Variants in THOC2 observed in about 807,000 individuals in gnomAD.
THOC2 encodes THO complex 2.
Under a neutral mutation model 128.4 loss-of-function variants are expected in THOC2, and 10 were observed. The observed-to-expected ratio is 0.08, with a 90% confidence interval of 0.05 to 0.13. The LOEUF (loss-of-function observed/expected upper bound fraction) is 0.13, where lower values mean the gene tolerates loss of function less well. Ranked by LOEUF, THOC2 falls within the 10% of genes least tolerant of loss-of-function variation. The pLI, the probability that THOC2 is intolerant of heterozygous loss-of-function variation, is 1.00. For synonymous variants in THOC2, 393 were observed against 396.9 expected (o/e 0.99, Z 0.12); for missense variants, 535 against 1,155.7 (o/e 0.46, Z 7.79).
chrX:123,629,857 T>C (rs2047408072), intron 22 of THOC2, among the ~76,000 whole-genome samples: 2 of 112,058 alleles, frequency 1.8e-5, no homozygotes, highest in Admixed American at 1.9e-4. Context: ...GGGCTGACAT[T>C]ATCTGCATAA....
chrX:123,644,717 A>G lies in THOC2; in HGVS notation c.1560-41T>C, dbSNP rs747654050. On this transcript the variant is annotated intron_variant, in intron 14 of 38. Coordinates refer to ENST00000245838, the MANE Select transcript of THOC2 (RefSeq NM_001081550.2). The stretch of plus-strand genomic sequence containing the variant: ...GATGAAGAATTAGGAAAAGTTAAAC[A>G]CTTAGAGGTTAATATACTAGAATTA... 3 of 1,164,853 alleles carry G rather than the reference A, an allele frequency of 2.6e-6. No homozygotes were observed. In the South Asian group the frequency reaches 5.7e-5, roughly 22 times the overall value.
chrX:123,606,422 T>C (rs1008329828), intron 38 of THOC2, among the ~76,000 whole-genome samples: 1 of 110,341 alleles, frequency 9.1e-6, no homozygotes, highest in Non-Finnish European at 1.9e-5. Context: ...TGAAACCCCG[T>C]CTATACTGAA....
chrX:123,710,764 C>T (rs560447492), intron 2 of THOC2, among the ~76,000 whole-genome samples: 5 of 108,648 alleles, frequency 4.6e-5, no homozygotes, highest in South Asian at 4.2e-4. Flanking sequence ...CTAAGGTGTG[C>T]GAATCGCCTG....
At chrX:123,665,118 A>G (rs1258319219) in intron 12 of THOC2, among the ~76,000 whole-genome samples, 1 of 111,767 alleles carries the variant, frequency 8.9e-6, no homozygotes, top group Non-Finnish European at 1.9e-5. Context: ...ACCATTTAAC[A>G]ATGTTTCGGT....
At chrX:123,643,685 A>G (rs2048017100) in intron 15 of THOC2, among the ~76,000 whole-genome samples, 1 of 109,053 alleles carries the variant, frequency 9.2e-6, no homozygotes, top group Non-Finnish European at 1.9e-5. Flanking sequence ...ACTGTATAAC[A>G]GCACCTATTA....
At chrX:123,631,037 C>A (rs1206278695) in intron 22 of THOC2, among the ~76,000 whole-genome samples, 1 of 112,411 alleles carries the variant, frequency 8.9e-6, no homozygotes, top group Non-Finnish European at 1.9e-5. Context: ...CTTGAATGAC[C>A]TGCTCCATTT....
chrX:123,641,523 G>C (rs1368267295), intron 15 of THOC2, among the ~76,000 whole-genome samples: 1 of 111,540 alleles, frequency 9.0e-6, no homozygotes, highest in Non-Finnish European at 1.9e-5. Context: ...TGGTTTCATA[G>C]AAAAGAGAGA....
chrX:123,692,734 TC>T (rs2050276894), intron 7 of THOC2, among the ~76,000 whole-genome samples: 1 of 110,695 alleles, frequency 9.0e-6, no homozygotes, highest in Non-Finnish European at 1.9e-5. Flanking sequence ...ATTCCAGACC[TC>T]AGGTGATCTG....
Position 123,627,714 on chromosome X carries a change from T to C in THOC2, c.2736A>G (p.Ala912=). ...CTACCATTTCCTGATTGTCATCAATTGCTTTCATCTGGACTTTAAGTTTAT... is the reference window on the plus strand; with the variant it reads ...CTACCATTTCCTGATTGTCATCAATCGCTTTCATCTGGACTTTAAGTTTAT... ...EVNKLKVQMK[A]IDDNQEMPPN... The change falls in exon 23 of 39, where the codon GCA becomes GCG. Residue 912 remains alanine, a synonymous_variant. Coordinates refer to ENST00000245838, the MANE Select transcript of THOC2 (RefSeq NM_001081550.2). 8.3e-7 allele frequency: 1 copy of C among 1,211,431 alleles called. No homozygotes were observed. Among genetic ancestry groups the C allele is most frequent in the Non-Finnish European group, 1.1e-6 (1 of 895,293 alleles).
intron 12 of THOC2, among the ~76,000 whole-genome samples, chrX:123,646,683 G>C (rs974922400): frequency 3.6e-5 from 4 of 112,050 alleles, no homozygotes; most frequent in African/African-American, 1.3e-4. Flanking sequence ...GGTTAAAAAG[G>C]TATGGTTCCT....
At chrX:123,718,332 A>T (rs1292264723) in intron 1 of THOC2, among the ~76,000 whole-genome samples, 1 of 112,365 alleles carries the variant, frequency 8.9e-6, no homozygotes, top group East Asian at 2.8e-4. Flanking sequence ...CTGAAACTAT[A>T]AAAATCCTAA....
At chrX:123,601,840 T>G (rs889667866) in intron 38 of THOC2, 1 of 112,070 alleles carries the variant, frequency 8.9e-6, no homozygotes, top group African/African-American at 3.2e-5. Flanking sequence ...TAACCTATTT[T>G]ACATGATCAA....
intron 30 of THOC2, 129 bp downstream of exon 30, chrX:123,622,629 G>C: frequency 2.4e-6 from 1 of 420,762 alleles, no homozygotes; most frequent in African/African-American, 2.5e-5. Context: ...AAGGCAGGTG[G>C]ATCGCTTGAG....
intron 3 of THOC2, among the ~76,000 whole-genome samples, chrX:123,704,504 T>G (rs2147929404): frequency 9.0e-6 from 1 of 111,677 alleles, no homozygotes; most frequent in East Asian, 2.8e-4. Flanking sequence ...CCCTCCCCGC[T>G]TTTTTGGAGC....
intron 1 of THOC2, among the ~76,000 whole-genome samples, chrX:123,719,873 G>A (rs752117520): frequency 2.8e-5 from 3 of 107,198 alleles, no homozygotes; most frequent in Admixed American, 1.0e-4. Context: ...AGGTTATGAT[G>A]AGCTATGATT....
intron 19 of THOC2, among the ~76,000 whole-genome samples, chrX:123,634,866 G>A (rs1029183721): frequency 3.1e-4 from 35 of 111,880 alleles, no homozygotes; most frequent in Non-Finnish European, 6.2e-4. Flanking sequence ...CAACAGTTAT[G>A]CTTTTTAATC....
intron 2 of THOC2, among the ~76,000 whole-genome samples, chrX:123,709,569 C>A (rs1440445153): frequency 9.0e-6 from 1 of 111,309 alleles, no homozygotes; most frequent in Non-Finnish European, 1.9e-5. Flanking sequence ...CCAGCCTGGG[C>A]GATAGAGCGG....
chrX:123,608,149 C>A (rs1018637940), intron 38 of THOC2, among the ~76,000 whole-genome samples: 12 of 111,385 alleles, frequency 1.1e-4, no homozygotes, highest in Non-Finnish European at 1.7e-4. Context: ...GTCTGTAATG[C>A]CAGCACTTTG....
intron 12 of THOC2, among the ~76,000 whole-genome samples, chrX:123,648,905 G>A (rs985216643): frequency 1.8e-5 from 2 of 112,033 alleles, no homozygotes; most frequent in Non-Finnish European, 3.8e-5. Flanking sequence ...AGACTTAAAC[G>A]TTCCTGCCTG....
Sources: allele counts gnomAD v4.1 joint callset (sites outside exome capture counted in the v4.1 genomes callset), GRCh38; gene constraint gnomAD v4.1.1; transcripts MANE v1.5; gene names NCBI Gene and HGNC (gene_info 2026-07-23, HGNC 2026-07-21).